Variants in ZNF385D observed in about 807,000 individuals in gnomAD.
The protein encoded by ZNF385D is zinc finger protein 385D.
A neutral mutation model predicts 35.8 loss-of-function variants in ZNF385D; 15 were observed. The observed-to-expected ratio is 0.42, with a 90% CI of 0.28 to 0.64. The LOEUF (loss-of-function observed/expected upper bound fraction) is 0.64. ZNF385D is among the 30% of genes least tolerant of loss of function. The probability of loss-of-function intolerance (pLI) is 0.23; values close to 1 mark genes in which losing one functional copy is unlikely to be tolerated. For missense variants in ZNF385D, 474 were observed against 494.6 expected (o/e 0.96, Z 0.39); for synonymous variants, 212 against 186.8 (o/e 1.13, Z -1.10).
At chr3:21,892,171 CA>C (rs1295817062) in intron 3 of ZNF385D, among the ~76,000 whole-genome samples, 1 of 152,116 alleles carries the variant, frequency 6.6e-6, no homozygotes. Context: ...TAAAACACCT[CA>C]AATGAAATCT....
chr3:21,894,118 T>C (rs1460383194), intron 3 of ZNF385D, among the ~76,000 whole-genome samples: 1 of 152,198 alleles, frequency 6.6e-6, no homozygotes, highest in Non-Finnish European at 1.5e-5. Flanking sequence ...TGCATAGTCA[T>C]ATATATCAAA....
At chr3:21,896,979 T>G (rs1299198263) in intron 3 of ZNF385D, among the ~76,000 whole-genome samples, 1 of 152,076 alleles carries the variant, frequency 6.6e-6, no homozygotes, top group Admixed American at 6.6e-5. Flanking sequence ...TTGTAGGCAG[T>G]GAGGAATGAG....
At chr3:21,611,731 T>G (rs2064685739) in intron 2 of ZNF385D, among the ~76,000 whole-genome samples, 1 of 152,058 alleles carries the variant, frequency 6.6e-6, no homozygotes, top group East Asian at 1.9e-4. Context: ...AATGAATCAT[T>G]CATTGCTTTC....
intron 3 of ZNF385D, among the ~76,000 whole-genome samples, chr3:22,000,058 C>A (rs1315932931): frequency 6.6e-6 from 1 of 152,134 alleles, no homozygotes; most frequent in Non-Finnish European, 1.5e-5. Context: ...GTAATTCCAG[C>A]ACTTTGGGAG....
chr3:22,019,888 A>G (rs1211506973), intron 3 of ZNF385D, among the ~76,000 whole-genome samples: 2 of 151,956 alleles, frequency 1.3e-5, no homozygotes, highest in Non-Finnish European at 2.9e-5. Flanking sequence ...TCTAAGATTC[A>G]GTATACCTAG....
At chr3:22,122,958 A>G (rs886770806) in intron 3 of ZNF385D, among the ~76,000 whole-genome samples, 2 of 152,204 alleles carry the variant, frequency 1.3e-5, no homozygotes, top group African/African-American at 4.8e-5. Flanking sequence ...ATTAGGAGAT[A>G]AGATCATATA....
intron 3 of ZNF385D, among the ~76,000 whole-genome samples, chr3:21,862,052 G>A (rs552268073): frequency 2.4e-4 from 36 of 152,028 alleles, no homozygotes; most frequent in Non-Finnish European, 4.6e-4. Flanking sequence ...GGTTTTATAA[G>A]TATATATTTT....
intron 2 of ZNF385D, among the ~76,000 whole-genome samples, chr3:22,178,248 T>C (rs1348637874): frequency 6.6e-6 from 1 of 152,208 alleles, no homozygotes; most frequent in Non-Finnish European, 1.5e-5. Context: ...CAGTACCTGT[T>C]GTTTCCTGAC....
chr3:21,627,854 T>G (rs2065177263), intron 2 of ZNF385D, among the ~76,000 whole-genome samples: 1 of 152,090 alleles, frequency 6.6e-6, no homozygotes, highest in Admixed American at 6.6e-5. Context: ...TAAGTGCCTT[T>G]GAATGAAGCA....
intron 3 of ZNF385D, among the ~76,000 whole-genome samples, chr3:21,786,981 T>C (rs146986716): frequency 6.6e-6 from 1 of 152,338 alleles, no homozygotes; most frequent in Non-Finnish European, 1.5e-5. Flanking sequence ...ATTGAACACG[T>C]GTTTATCTTC....
chr3:21,972,125 T>A (rs1242309635), intron 3 of ZNF385D, among the ~76,000 whole-genome samples: 1 of 151,940 alleles, frequency 6.6e-6, no homozygotes, highest in Non-Finnish European at 1.5e-5. Context: ...ATATTTATTA[T>A]TTTCAGCCAA....
intron 4 of ZNF385D, among the ~76,000 whole-genome samples, chr3:21,496,851 G>A (rs1434508485): frequency 2.6e-5 from 4 of 151,850 alleles, no homozygotes; most frequent in Middle Eastern, 6.9e-3. Flanking sequence ...ATTTAACATC[G>A]CATCTTATAA....
At chr3:22,002,191 A>T (rs1019275451) in intron 3 of ZNF385D, among the ~76,000 whole-genome samples, 2 of 152,024 alleles carry the variant, frequency 1.3e-5, no homozygotes, top group Non-Finnish European at 2.9e-5. Context: ...AAATTAATGC[A>T]CTATTAGCTC....
chr3:22,155,659 TA>T (rs1239234209), intron 3 of ZNF385D, among the ~76,000 whole-genome samples: 1 of 152,078 alleles, frequency 6.6e-6, no homozygotes, highest in Non-Finnish European at 1.5e-5. Flanking sequence ...CCTGTTAAAA[TA>T]GTTAATAAAG....
intron 2 of ZNF385D, among the ~76,000 whole-genome samples, chr3:22,289,907 T>C (rs988824257): frequency 6.6e-6 from 1 of 152,134 alleles, no homozygotes; most frequent in Non-Finnish European, 1.5e-5. Flanking sequence ...AACTCTCTAA[T>C]GCAGCCTTGT....
intron 3 of ZNF385D, among the ~76,000 whole-genome samples, chr3:21,889,652 T>C (rs964429587): frequency 3.9e-5 from 6 of 152,128 alleles, no homozygotes; most frequent in African/African-American, 4.8e-5. Flanking sequence ...AGGGGAAGCA[T>C]AGAGAAGAGT....
intron 3 of ZNF385D, among the ~76,000 whole-genome samples, chr3:22,094,158 T>G (rs906783945): frequency 1.3e-5 from 2 of 151,932 alleles, no homozygotes; most frequent in African/African-American, 4.8e-5. Flanking sequence ...GCATCAAATA[T>G]TCTAATTTTC....
At chr3:22,026,869 G>A (rs1054942119) in intron 3 of ZNF385D, among the ~76,000 whole-genome samples, 4 of 152,194 alleles carry the variant, frequency 2.6e-5, no homozygotes, top group African/African-American at 9.6e-5. Context: ...ATTTCATTTG[G>A]CCTGTGCAGA....
At chr3:22,088,016 G>C (rs115286538) in intron 3 of ZNF385D, among the ~76,000 whole-genome samples, 2,217 of 152,294 alleles carry the variant, frequency 0.015, 31 homozygotes, top group Middle Eastern at 0.034. Flanking sequence ...TTAGTGATCA[G>C]CTGTTGACAC....
Sources: allele counts gnomAD v4.1 joint callset (sites outside exome capture counted in the v4.1 genomes callset), GRCh38; gene constraint gnomAD v4.1.1; transcripts MANE v1.5; gene names NCBI Gene and HGNC (gene_info 2026-07-23, HGNC 2026-07-21).